ZRANB3: variants seen among roughly 807,000 people sequenced by gnomAD.
ZRANB3 encodes zinc finger RANBP2-type containing 3, also known as DNA annealing helicase and endonuclease ZRANB3.
ZRANB3 carries 125 observed loss-of-function variants against 133.8 expected under a neutral mutation model. The ratio of observed to expected loss-of-function variants is 0.93; its 90% CI spans 0.81 to 1.08. The LOEUF (loss-of-function observed/expected upper bound fraction) is 1.08. ZRANB3 is among the 50% of genes least tolerant of loss of function. The probability of loss-of-function intolerance (pLI) is 0.00; values close to 1 mark genes in which losing one functional copy is unlikely to be tolerated. For missense variants in ZRANB3, 1,229 were observed against 1,275.5 expected (o/e 0.96, Z 0.56); for synonymous variants, 387 against 432.7 (o/e 0.89, Z 1.31).
At chr2:135,390,385 G>A (rs1311188537) in intron 3 of ZRANB3, among the ~76,000 whole-genome samples, 1 of 152,100 alleles carries the variant, frequency 6.6e-6, no homozygotes, top group Non-Finnish European at 1.5e-5. Context: ...TCAGATTGTT[G>A]AGTGATAATA....
chr2:135,208,701 G>C (rs569708301), intron 18 of ZRANB3, among the ~76,000 whole-genome samples, 167 bp downstream of exon 18: 7 of 152,164 alleles, frequency 4.6e-5, no homozygotes, highest in Non-Finnish European at 8.8e-5. Context: ...GAGGACACCA[G>C]GTACCTCAAC....
At chr2:135,394,288 G>A (rs979489689) in intron 2 of ZRANB3, among the ~76,000 whole-genome samples, 1 of 151,988 alleles carries the variant, frequency 6.6e-6, no homozygotes, top group Non-Finnish European at 1.5e-5. Context: ...AAATACCTGA[G>A]AAAATAACCA....
chr2:135,267,626 A>G (rs531913267), intron 11 of ZRANB3, among the ~76,000 whole-genome samples: 85 of 152,318 alleles, frequency 5.6e-4, no homozygotes, highest in Admixed American at 1.7e-3. Context: ...CAATGGTTCC[A>G]TGCTTAATGA....
At chr2:135,408,437 A>C (rs963404670) in intron 2 of ZRANB3, among the ~76,000 whole-genome samples, 6 of 149,466 alleles carry the variant, frequency 4.0e-5, no homozygotes, top group Non-Finnish European at 7.4e-5. Context: ...GGGATCTACA[A>C]CTAGAAATAA....
intron 6 of ZRANB3, among the ~76,000 whole-genome samples, chr2:135,327,622 C>T (rs894566494): frequency 2.6e-5 from 4 of 151,966 alleles, no homozygotes; most frequent in African/African-American, 9.7e-5. Context: ...CAGAAGAAAA[C>T]GGGTGTCAAA....
intron 2 of ZRANB3, among the ~76,000 whole-genome samples, chr2:135,412,611 T>C (rs557345711): frequency 2.6e-5 from 4 of 152,114 alleles, no homozygotes; most frequent in Admixed American, 2.0e-4. Context: ...GTTTTATGAA[T>C]AAGAATAAAT....
At chr2:135,283,574 G>A (rs1026533560) in intron 8 of ZRANB3, among the ~76,000 whole-genome samples, 8 of 149,946 alleles carry the variant, frequency 5.3e-5, no homozygotes, top group African/African-American at 2.0e-4. Context: ...CCAAGATCAT[G>A]CCACTGCACT....
intron 6 of ZRANB3, among the ~76,000 whole-genome samples, chr2:135,337,351 A>G (rs1036953100): frequency 6.6e-6 from 1 of 152,218 alleles, no homozygotes; most frequent in African/African-American, 2.4e-5. Flanking sequence ...TAACTGGCTT[A>G]GAATGACCAG....
At chr2:135,393,795 A>G (rs950964687) in intron 2 of ZRANB3, among the ~76,000 whole-genome samples, 2 of 152,182 alleles carry the variant, frequency 1.3e-5, no homozygotes, top group Non-Finnish European at 2.9e-5. Context: ...CTAATCATCA[A>G]CTCTAGAAGC....
chr2:135,467,228 T>C lies in ZRANB3; in HGVS notation c.161+37101A>G, dbSNP rs534301387. ...ATGAGCAGAGCATTATCTCACTTTT[T>C]CCTTTGTACCAGGGAGTCACAACTT... is the stretch of plus-strand genomic sequence containing the variant. On this transcript the variant is annotated intron_variant, in intron 2 of 20. Coordinates refer to ENST00000264159, the MANE Select transcript of ZRANB3 (RefSeq NM_032143.4). 3.2e-4 allele frequency among the ~76,000 whole-genome samples: 48 copies of C among 152,268 alleles called. No individual in the cohort carries two copies. In the South Asian group the frequency reaches 3.7e-3, roughly 12 times the overall value.
In ZRANB3 at chr2:135,527,104, T is replaced by C. The variant is rs1694195153; in HGVS notation, c.-8+4023A>G. On this transcript the variant is annotated intron_variant, in intron 1 of 20. Coordinates refer to ENST00000264159, the MANE Select transcript of ZRANB3 (RefSeq NM_032143.4). ...GTACCCCAACCACCTTGGGCACATG[T>C]TCTCAGGACCTCCCGAGGGCTGTGT... 2.0e-5 allele frequency among the ~76,000 whole-genome samples: 3 copies of C among 152,212 alleles called. No homozygotes were observed. The South Asian group carries it at 6.2e-4, about 31-fold the overall frequency.
chr2:135,233,880 A>C (rs1573725543), intron 12 of ZRANB3, among the ~76,000 whole-genome samples: 1 of 152,236 alleles, frequency 6.6e-6, no homozygotes. Flanking sequence ...AAGAAACTGC[A>C]TCAACTAACG....
At chr2:135,495,670 A>G (rs1273295744) in intron 2 of ZRANB3, among the ~76,000 whole-genome samples, 3 of 152,234 alleles carry the variant, frequency 2.0e-5, no homozygotes, top group Non-Finnish European at 4.4e-5. Flanking sequence ...TGAAAAAAAT[A>G]CAGCACCAAG....
chr2:135,447,160 T>C (rs1690057971), intron 2 of ZRANB3, among the ~76,000 whole-genome samples: 1 of 152,136 alleles, frequency 6.6e-6, no homozygotes, highest in South Asian at 2.1e-4. Flanking sequence ...TTCTCCTGCC[T>C]CATCCTCCTA....
intron 2 of ZRANB3, among the ~76,000 whole-genome samples, chr2:135,474,700 C>T (rs537572449): frequency 6.6e-6 from 1 of 152,246 alleles, no homozygotes; most frequent in South Asian, 2.1e-4. Context: ...TTATAAATTA[C>T]CCAGCATCAG....
chr2:135,355,653 G>C (rs1410556896), intron 3 of ZRANB3, among the ~76,000 whole-genome samples: 1 of 151,988 alleles, frequency 6.6e-6, no homozygotes, highest in Non-Finnish European at 1.5e-5. Context: ...CACCGCGCCC[G>C]GCCAACAATT....
At chr2:135,421,626 A>T (rs897504125) in intron 2 of ZRANB3, among the ~76,000 whole-genome samples, 1 of 151,894 alleles carries the variant, frequency 6.6e-6, no homozygotes, top group Non-Finnish European at 1.5e-5. Context: ...CTATTTTTAA[A>T]CTTTTCTTTG....
intron 2 of ZRANB3, among the ~76,000 whole-genome samples, chr2:135,435,259 C>T (rs919204396): frequency 6.6e-6 from 1 of 152,046 alleles, no homozygotes; most frequent in African/African-American, 2.4e-5. Flanking sequence ...GTTTTTGTGC[C>T]TGCGTTAGTT....
intron 2 of ZRANB3, among the ~76,000 whole-genome samples, chr2:135,494,163 A>AAGGGAGGG (rs1156857573): frequency 1.5e-3 from 66 of 43,224 alleles, no homozygotes; most frequent in African/African-American, 8.8e-3. Flanking sequence ...GGAAGGAAGG[A>AAGGGAGGG]AGGGAGGGAG....
Sources: gnomAD v4.1 joint callset for allele counts (sites outside exome capture counted in the v4.1 genomes callset) on GRCh38, gnomAD v4.1.1 for gene constraint, MANE v1.5 for transcripts, NCBI Gene and HGNC (gene_info 2026-07-23, HGNC 2026-07-21) for gene names.